Variants in CAMK1D observed in about 807,000 individuals in gnomAD.
The protein encoded by CAMK1D is calcium/calmodulin dependent protein kinase ID.
A neutral mutation model predicts 47.7 loss-of-function variants in CAMK1D; 9 were observed. The observed-to-expected ratio is 0.19, with a 90% CI of 0.11 to 0.33. The LOEUF (loss-of-function observed/expected upper bound fraction) is 0.33, where lower values mean the gene tolerates loss of function less well. Ranked by LOEUF, CAMK1D falls within the 10% of genes least tolerant of loss-of-function variation. The pLI, the probability that CAMK1D is intolerant of heterozygous loss-of-function variation, is 1.00. For missense variants in CAMK1D, 291 were observed against 488.7 expected (o/e 0.60, Z 3.81); for synonymous variants, 184 against 184.9 (o/e 0.99, Z 0.04).
At chr10:12,645,344 G>A (rs974173753) in intron 2 of CAMK1D, among the ~76,000 whole-genome samples, 3 of 152,176 alleles carry the variant, frequency 2.0e-5, no homozygotes, top group African/African-American at 7.2e-5. Context: ...GTCTGTGAAC[G>A]TCTTCACTTG....
intron 2 of CAMK1D, among the ~76,000 whole-genome samples, chr10:12,615,842 GTA>G (rs1564446781): frequency 7.4e-6 from 1 of 134,932 alleles, no homozygotes; most frequent in Non-Finnish European, 1.6e-5. Context: ...GTTCGTGTGT[GTA>G]TAGGTGTAGG....
At chr10:12,569,512 C>T (rs1837248816) in intron 2 of CAMK1D, among the ~76,000 whole-genome samples, 1 of 149,228 alleles carries the variant, frequency 6.7e-6, no homozygotes, top group Admixed American at 6.7e-5. Flanking sequence ...AGATTGAGAC[C>T]ATCCTGGCTA....
chr10:12,376,056 G>C (rs1838167906), intron 1 of CAMK1D, among the ~76,000 whole-genome samples: 2 of 150,928 alleles, frequency 1.3e-5, no homozygotes, highest in South Asian at 4.2e-4. Context: ...CCAGCTACTC[G>C]GGAGGCTGAG....
chr10:12,784,737 T>A (rs1477794133), intron 5 of CAMK1D, among the ~76,000 whole-genome samples: 4 of 152,252 alleles, frequency 2.6e-5, no homozygotes, highest in Non-Finnish European at 5.9e-5. Context: ...TTTTTTCTTG[T>A]ACCTACTCAC....
At chr10:12,397,000 G>C (rs1366498362) in intron 1 of CAMK1D, among the ~76,000 whole-genome samples, 1 of 152,160 alleles carries the variant, frequency 6.6e-6, no homozygotes, top group East Asian at 1.9e-4. Flanking sequence ...GGGCCCTGTC[G>C]GCTGACCCAG....
At chr10:12,806,504 C>T (rs1345116386) in intron 6 of CAMK1D, among the ~76,000 whole-genome samples, 1 of 152,236 alleles carries the variant, frequency 6.6e-6, no homozygotes, top group Non-Finnish European at 1.5e-5. Context: ...GAGGAATCCA[C>T]CTGCTCCATA....
At chr10:12,729,817 G>A (rs1250180413) in intron 3 of CAMK1D, among the ~76,000 whole-genome samples, 4 of 152,194 alleles carry the variant, frequency 2.6e-5, no homozygotes, top group South Asian at 2.1e-4. Context: ...GAGGACACCC[G>A]AAGTGCGAGG....
intron 5 of CAMK1D, among the ~76,000 whole-genome samples, chr10:12,777,098 G>T (rs796532745): frequency 4.1e-4 from 62 of 152,276 alleles, no homozygotes; most frequent in African/African-American, 1.5e-3. Context: ...TTATGGCTGC[G>T]TTTTAAAGCC....
intron 1 of CAMK1D, among the ~76,000 whole-genome samples, chr10:12,545,659 GC>G (rs1836343670): frequency 6.6e-6 from 1 of 151,406 alleles, no homozygotes; most frequent in Admixed American, 6.6e-5. Flanking sequence ...AATTAGCTGG[GC>G]GTGGTGGCGG....
intron 1 of CAMK1D, among the ~76,000 whole-genome samples, chr10:12,550,091 A>G (rs1249421251): frequency 6.6e-6 from 1 of 152,110 alleles, no homozygotes; most frequent in Non-Finnish European, 1.5e-5. Context: ...CCAGGAGGAG[A>G]GGGGCCTGAT....
chr10:12,782,761 A>G (rs1837555756), intron 5 of CAMK1D, among the ~76,000 whole-genome samples: 1 of 152,144 alleles, frequency 6.6e-6, no homozygotes, highest in Admixed American at 6.5e-5. Flanking sequence ...ATGAGAGGCC[A>G]TGTGCAACTC....
At chr10:12,430,776 G>C (rs1204225814) in intron 1 of CAMK1D, among the ~76,000 whole-genome samples, 1 of 152,030 alleles carries the variant, frequency 6.6e-6, no homozygotes, top group Non-Finnish European at 1.5e-5. Context: ...TTTAAGATGG[G>C]GTCTTGCTGT....
intron 5 of CAMK1D, 134 bp from the exon 6 acceptor site, chr10:12,791,024 A>C (rs1297705475): frequency 9.8e-6 from 7 of 714,786 alleles, no homozygotes; most frequent in South Asian, 1.8e-5. Flanking sequence ...AAGCCAACAC[A>C]TAAAATGGGT....
chr10:12,506,312 C>T (rs1834870498), intron 1 of CAMK1D, among the ~76,000 whole-genome samples: 1 of 152,090 alleles, frequency 6.6e-6, no homozygotes, highest in African/African-American at 2.4e-5. Flanking sequence ...TCCAGCTACT[C>T]AGGAGGCTGA....
chr10:12,424,313 G>T (rs1434887350), intron 1 of CAMK1D, among the ~76,000 whole-genome samples: 2 of 151,870 alleles, frequency 1.3e-5, no homozygotes, highest in Non-Finnish European at 2.9e-5. Flanking sequence ...TTCTCCTCTT[G>T]TCACCCAAGA....
intron 3 of CAMK1D, among the ~76,000 whole-genome samples, chr10:12,669,779 TATATA>T (rs1840552271): frequency 6.6e-6 from 1 of 152,188 alleles, no homozygotes; most frequent in Non-Finnish European, 1.5e-5. Flanking sequence ...TAAATTGACT[TATATA>T]GTATGTACCT....
chr10:12,549,194 C>A (rs1231973982), intron 1 of CAMK1D, among the ~76,000 whole-genome samples: 3 of 152,206 alleles, frequency 2.0e-5, no homozygotes, highest in Non-Finnish European at 4.4e-5. Flanking sequence ...AAACTCCGTC[C>A]CCATTAAACA....
chr10:12,803,028 T>C (rs976772226), intron 6 of CAMK1D, among the ~76,000 whole-genome samples: 11 of 152,248 alleles, frequency 7.2e-5, no homozygotes, highest in Admixed American at 6.5e-4. Context: ...ACAAAGAGAC[T>C]AAAATTCTGT....
At chr10:12,515,034 T>G (rs1835150877) in intron 1 of CAMK1D, among the ~76,000 whole-genome samples, 1 of 151,920 alleles carries the variant, frequency 6.6e-6, no homozygotes, top group African/African-American at 2.4e-5. Context: ...TTTTTTATTT[T>G]TTATTTTTAG....
Sources: gnomAD v4.1 joint callset for allele counts (sites outside exome capture counted in the v4.1 genomes callset) on GRCh38, gnomAD v4.1.1 for gene constraint, MANE v1.5 for transcripts, NCBI Gene and HGNC (gene_info 2026-07-23, HGNC 2026-07-21) for gene names.